IFT88: variants seen among roughly 807,000 people sequenced by gnomAD.
The protein encoded by IFT88 is intraflagellar transport protein 88 homolog.
Under a neutral mutation model 119.5 loss-of-function variants are expected in IFT88, and 74 were observed. The ratio of observed to expected loss-of-function variants is 0.62; its 90% CI spans 0.51 to 0.75. IFT88 has a LOEUF of 0.75. Ranked by LOEUF, IFT88 falls within the 30% of genes least tolerant of loss-of-function variation. The pLI is 0.00. For missense variants in IFT88, 961 were observed against 977.7 expected (o/e 0.98, Z 0.23); for synonymous variants, 279 against 316.7 (o/e 0.88, Z 1.26).
At chr13:20,588,379 G>A (rs537915224) in intron 3 of IFT88, among the ~76,000 whole-genome samples, 1 of 152,064 alleles carries the variant, frequency 6.6e-6, no homozygotes, top group Non-Finnish European at 1.5e-5. Context: ...TGCATTATAT[G>A]TACCCACTTC....
chr13:20,627,677 G>A (rs762637943), intron 15 of IFT88, among the ~76,000 whole-genome samples: 11 of 142,832 alleles, frequency 7.7e-5, no homozygotes, highest in Non-Finnish European at 1.3e-4. Context: ...GTTGCAATGA[G>A]CTGAGATCCC....
chr13:20,609,861 C>G (rs1281999621), intron 13 of IFT88, among the ~76,000 whole-genome samples: 1 of 152,170 alleles, frequency 6.6e-6, no homozygotes, highest in Non-Finnish European at 1.5e-5. Context: ...CCTGAGTGCT[C>G]AGGTCTGAGC....
chr13:20,635,816 A>G (rs1185229980), intron 16 of IFT88, among the ~76,000 whole-genome samples: 3 of 152,076 alleles, frequency 2.0e-5, no homozygotes, highest in Admixed American at 1.3e-4. Flanking sequence ...AGGTCCAGCA[A>G]ACCACCATGG....
intron 13 of IFT88, among the ~76,000 whole-genome samples, chr13:20,614,187 C>G (rs377151918): frequency 5.3e-5 from 8 of 152,108 alleles, no homozygotes; most frequent in African/African-American, 1.9e-4. Context: ...AGGATTAATT[C>G]GAAGGCTGCA....
chr13:20,626,911 A>G (rs1219803664), intron 15 of IFT88, among the ~76,000 whole-genome samples: 2 of 152,212 alleles, frequency 1.3e-5, no homozygotes, highest in Non-Finnish European at 2.9e-5. Context: ...AGAGAAAGCT[A>G]TAGCATCTTT....
At chr13:20,585,794 A>G (rs1022447861) in intron 3 of IFT88, among the ~76,000 whole-genome samples, 1 of 152,244 alleles carries the variant, frequency 6.6e-6, no homozygotes, top group Non-Finnish European at 1.5e-5. Flanking sequence ...TTCACTACAC[A>G]TTCTAAAACC....
intron 22 of IFT88, among the ~76,000 whole-genome samples, chr13:20,660,701 T>A (rs1211119369): frequency 6.6e-6 from 1 of 152,106 alleles, no homozygotes; most frequent in Non-Finnish European, 1.5e-5. Context: ...GTGTCAAGGG[T>A]AATTGCACAA....
At chr13:20,594,320 C>G (rs1485901747) in intron 7 of IFT88, among the ~76,000 whole-genome samples, 1 of 152,118 alleles carries the variant, frequency 6.6e-6, no homozygotes, top group Non-Finnish European at 1.5e-5. Flanking sequence ...TCTTAGGTCT[C>G]TTAAAAAGCC....
At chr13:20,679,946 T>C (rs1350510421) in intron 24 of IFT88, among the ~76,000 whole-genome samples, 1 of 152,174 alleles carries the variant, frequency 6.6e-6, no homozygotes, top group African/African-American at 2.4e-5. Flanking sequence ...ATATGCAGGG[T>C]GACCATTAGC....
At chr13:20,571,276 G>T (rs752589241) in intron 1 of IFT88, among the ~76,000 whole-genome samples, 8 of 152,246 alleles carry the variant, frequency 5.3e-5, no homozygotes, top group Non-Finnish European at 1.2e-4. Flanking sequence ...TTATAGGCGT[G>T]AGCCACTGCG....
At chr13:20,577,514 G>A (rs1305890873) in intron 2 of IFT88, among the ~76,000 whole-genome samples, 5 of 151,868 alleles carry the variant, frequency 3.3e-5, no homozygotes, top group South Asian at 2.1e-4. Flanking sequence ...CTTTTTTCAC[G>A]TTGAGGTATG....
At chr13:20,649,223 G>T (rs1301606844) in intron 20 of IFT88, among the ~76,000 whole-genome samples, 1 of 152,196 alleles carries the variant, frequency 6.6e-6, no homozygotes, top group Admixed American at 6.5e-5. Context: ...ACATTCTTAA[G>T]TGTACATGGA....
At chr13:20,659,338 G>A (rs142372488) in intron 22 of IFT88, among the ~76,000 whole-genome samples, 1 of 151,912 alleles carries the variant, frequency 6.6e-6, no homozygotes, top group African/African-American at 2.4e-5. Flanking sequence ...TTCTAAATAT[G>A]AAAAAAATAT....
chr13:20,671,513 T>C (rs778858606), intron 24 of IFT88, among the ~76,000 whole-genome samples: 5 of 152,256 alleles, frequency 3.3e-5, no homozygotes, highest in Non-Finnish European at 7.3e-5. Context: ...ATCGTGACGA[T>C]GTATATATGT....
chr13:20,573,084 A>T (rs2036692531), intron 1 of IFT88, among the ~76,000 whole-genome samples: 1 of 152,150 alleles, frequency 6.6e-6, no homozygotes, highest in Admixed American at 6.5e-5. Context: ...ACTCTCCTCT[A>T]AATTACCAGG....
At chr13:20,671,368 T>C (rs2055828258) in intron 24 of IFT88, among the ~76,000 whole-genome samples, 1 of 152,236 alleles carries the variant, frequency 6.6e-6, no homozygotes, top group Admixed American at 6.5e-5. Context: ...TTTTAAAATT[T>C]CCATTTGAAG....
At chr13:20,592,476 A>AT (rs376442929) in intron 7 of IFT88, 72 bp downstream of exon 7, 29,843 of 1,000,240 alleles carry the variant, frequency 0.03, 1 homozygote, top group South Asian at 0.041. Flanking sequence ...CAAATACACA[A>AT]TTTTTTTTTT....
intron 13 of IFT88, chr13:20,614,356 G>T (rs180937589): frequency 6.6e-6 from 1 of 152,232 alleles, no homozygotes; most frequent in East Asian, 1.9e-4. Context: ...TTCTGTAACA[G>T]TTGACATATA....
rs183212291 is a variant in IFT88, at chr13:20,668,256, C to T, written c.2176-2717C>T. 7.6e-4 allele frequency among the ~76,000 whole-genome samples: 116 copies of T among 152,336 alleles called. 2 individuals carry two copies. The South Asian group carries it at 0.021, about 27-fold the overall frequency. On this transcript the variant is annotated intron_variant, in intron 23 of 25. Coordinates refer to ENST00000351808, the MANE Select transcript of IFT88 (RefSeq NM_006531.5). ...TGTCTCTTGGGTGTTTACTTTGCAT[C>T]TCCGAAGGAAGCACTTAGATCATGC...
Sources: allele counts gnomAD v4.1 joint callset (sites outside exome capture counted in the v4.1 genomes callset), GRCh38; gene constraint gnomAD v4.1.1; transcripts MANE v1.5; gene names NCBI Gene and HGNC (gene_info 2026-07-23, HGNC 2026-07-21).